The following PAPPA2 variants were observed in gnomAD, a reference collection of about 807,000 sequenced individuals.
PAPPA2 encodes pappalysin 2.
In PAPPA2, 86 loss-of-function variants were observed where a neutral mutation model predicts 176.4. That is an observed-to-expected ratio of 0.49 (90% confidence interval 0.41 to 0.58). PAPPA2 has a LOEUF of 0.58. Ranked by LOEUF, PAPPA2 falls within the 20% of genes least tolerant of loss-of-function variation. The probability of loss-of-function intolerance (pLI) is 0.00; values close to 1 mark genes in which losing one functional copy is unlikely to be tolerated. For missense variants in PAPPA2, 2,073 were observed against 2,256.9 expected (o/e 0.92, Z 1.65); for synonymous variants, 809 against 852.2 (o/e 0.95, Z 0.88).
At chr1:176,507,139 A>G (rs1315003914) in intron 1 of PAPPA2, among the ~76,000 whole-genome samples, 4 of 152,172 alleles carry the variant, frequency 2.6e-5, no homozygotes, top group African/African-American at 9.6e-5. Context: ...ACATGAACAG[A>G]CACTGCTCCA....
Position 176,842,605 on chromosome 1 carries a change from T to C in PAPPA2, c.*151T>C, listed in dbSNP as rs1667529225. On this transcript the variant is annotated 3_prime_UTR_variant, in exon 23 of 23. Transcript: ENST00000367662. The stretch of plus-strand genomic sequence containing the variant: ...GGATCTTATAAGAAATGCAAGAGGA[T>C]ATTGATAGGTGTGAACTAGTTCATC... The C allele has an allele frequency of 1.4e-6, 1 of 735,880 alleles. No individual in the cohort carries two copies. Among genetic ancestry groups the C allele is most frequent in the Non-Finnish European group, 2.2e-6 (1 of 448,346 alleles). The allele number at this position is 735,880 out of a possible 1,614,324, so 45.6% of individuals were successfully genotyped here. A position where few individuals can be genotyped will look rare whatever the true frequency, so the allele number is the denominator to read the frequency against.
At chr1:176,800,456 C>T (rs1464751710) in intron 21 of PAPPA2, among the ~76,000 whole-genome samples, 1 of 152,192 alleles carries the variant, frequency 6.6e-6, no homozygotes, top group Non-Finnish European at 1.5e-5. Context: ...GTTTTGGAGA[C>T]TGATGGCCCA....
Position 176,556,484 on chromosome 1 carries a change from C to T in PAPPA2, c.162C>T (p.Ala54=), listed in dbSNP as rs758881250. Residue 54 remains alanine, a synonymous_variant, in exon 2 of 23, where the codon GCC becomes GCT. Coordinates refer to ENST00000367662, the MANE Select transcript of PAPPA2 (RefSeq NM_020318.3). ...AAGGAGAACGTTGTTGGCTGGGGGC[C>T]AAGGTTCGAAGACCCAGAGCTTCTC... ...LLEGERCWLG[A]KVRRPRASPQ... is the part of the protein sequence containing the mutation. 17 of 1,614,142 alleles carry T rather than the reference C, an allele frequency of 1.1e-5. No homozygotes were observed. The South Asian group carries it at 1.9e-4, about 18-fold the overall frequency.
intron 3 of PAPPA2, among the ~76,000 whole-genome samples, chr1:176,668,021 A>G (rs2102768985): frequency 6.6e-6 from 1 of 152,266 alleles, no homozygotes; most frequent in Non-Finnish European, 1.5e-5. Context: ...CTGGGAGGCA[A>G]TGAAACACGG....
intron 1 of PAPPA2, among the ~76,000 whole-genome samples, chr1:176,468,065 A>T (rs1651707979): frequency 6.6e-6 from 1 of 152,184 alleles, no homozygotes; most frequent in Non-Finnish European, 1.5e-5. Flanking sequence ...TCCAAAAAGG[A>T]GCACTATTTC....
chr1:176,671,899 T>C (rs1040739615), intron 4 of PAPPA2, among the ~76,000 whole-genome samples: 3 of 108,830 alleles, frequency 2.8e-5, no homozygotes, highest in Non-Finnish European at 5.2e-5. Context: ...CATCACACTC[T>C]GGGGACTGTT....
intron 21 of PAPPA2, among the ~76,000 whole-genome samples, chr1:176,808,080 GGCTGTCT>G (rs1294389692): frequency 6.6e-6 from 1 of 152,092 alleles, no homozygotes; most frequent in East Asian, 1.9e-4. Flanking sequence ...CAATGCCCAG[GGCTGTCT>G]CTGGTCACAC....
intron 1 of PAPPA2, among the ~76,000 whole-genome samples, chr1:176,541,782 A>G (rs1463486935): frequency 1.3e-5 from 2 of 152,182 alleles, no homozygotes; most frequent in Admixed American, 1.3e-4. Flanking sequence ...TGATTTGTTC[A>G]CTAATTTCAC....
chr1:176,679,396 C>T (rs1172137887), intron 4 of PAPPA2, among the ~76,000 whole-genome samples: 2 of 152,040 alleles, frequency 1.3e-5, no homozygotes, highest in Admixed American at 6.6e-5. Context: ...CCCCCAAATA[C>T]CCCAAAATTA....
intron 20 of PAPPA2, among the ~76,000 whole-genome samples, chr1:176,799,420 G>A (rs1427931667): frequency 1.3e-5 from 2 of 152,282 alleles, no homozygotes; most frequent in East Asian, 3.9e-4. Context: ...CCACCAGCTT[G>A]ATGTTGGTGT....
At chr1:176,566,116 T>G (rs1651962983) in intron 2 of PAPPA2, among the ~76,000 whole-genome samples, 1 of 152,194 alleles carries the variant, frequency 6.6e-6, no homozygotes, top group South Asian at 2.1e-4. Context: ...GAAGGGAAGA[T>G]GAAGCTCACA....
intron 1 of PAPPA2, among the ~76,000 whole-genome samples, chr1:176,524,327 G>A (rs1412380959): frequency 6.6e-6 from 1 of 152,150 alleles, no homozygotes; most frequent in Admixed American, 6.5e-5. Context: ...GTCCAAGAAT[G>A]CTGGAATCTG....
intron 2 of PAPPA2, among the ~76,000 whole-genome samples, chr1:176,584,822 C>A (rs1211625709): frequency 6.6e-6 from 1 of 152,164 alleles, no homozygotes; most frequent in Non-Finnish European, 1.5e-5. Flanking sequence ...GCAACCTCCG[C>A]CTCCCAGGTT....
intron 1 of PAPPA2, among the ~76,000 whole-genome samples, chr1:176,485,710 A>G (rs182865686): frequency 1.3e-5 from 2 of 152,286 alleles, no homozygotes; most frequent in East Asian, 1.9e-4. Context: ...TGCCTGTCAT[A>G]TAGTAGGCGG....
chr1:176,817,422 G>GAGA (rs1666447949), intron 21 of PAPPA2, among the ~76,000 whole-genome samples: 1 of 152,106 alleles, frequency 6.6e-6, no homozygotes, highest in African/African-American at 2.4e-5. Flanking sequence ...TGAAGGCATT[G>GAGA]AGAAGCCTGA....
At chr1:176,568,863 T>C (rs552765819) in intron 2 of PAPPA2, among the ~76,000 whole-genome samples, 1 of 152,334 alleles carries the variant, frequency 6.6e-6, no homozygotes, top group East Asian at 1.9e-4. Flanking sequence ...TTCAGCTGTT[T>C]GATTGCAACC....
At chr1:176,777,937 G>A (rs1049692327) in intron 17 of PAPPA2, among the ~76,000 whole-genome samples, 3 of 151,630 alleles carry the variant, frequency 2.0e-5, no homozygotes, top group Non-Finnish European at 4.4e-5. Context: ...TGGTGCAATA[G>A]GGAAATTTCT....
At chr1:176,670,031 C>T (rs960412009) in intron 3 of PAPPA2, among the ~76,000 whole-genome samples, 3 of 152,102 alleles carry the variant, frequency 2.0e-5, no homozygotes, top group African/African-American at 7.2e-5. Flanking sequence ...CAGACCACGG[C>T]CACTGTGGGG....
chr1:176,466,890 G>A (rs1651647536), intron 1 of PAPPA2, among the ~76,000 whole-genome samples: 1 of 152,172 alleles, frequency 6.6e-6, no homozygotes, highest in Non-Finnish European at 1.5e-5. Flanking sequence ...GTGAAATTCT[G>A]GTGTTAGGCT....
Sources: allele counts gnomAD v4.1 joint callset (sites outside exome capture counted in the v4.1 genomes callset), GRCh38; gene constraint gnomAD v4.1.1; transcripts MANE v1.5; gene names NCBI Gene and HGNC (gene_info 2026-07-23, HGNC 2026-07-21).